NELL1: variants seen among roughly 807,000 people sequenced by gnomAD.
The protein encoded by NELL1 is protein kinase C-binding protein NELL1.
A neutral mutation model predicts 107.4 loss-of-function variants in NELL1; 76 were observed. That is an observed-to-expected ratio of 0.71 (90% CI 0.59 to 0.86). The LOEUF (loss-of-function observed/expected upper bound fraction) is 0.86. Ranked by LOEUF, NELL1 falls within the 40% of genes least tolerant of loss-of-function variation. The probability of loss-of-function intolerance (pLI) is 0.00; values close to 1 mark genes in which losing one functional copy is unlikely to be tolerated. For missense variants in NELL1, 1,024 were observed against 1,005.5 expected (o/e 1.02, Z -0.25); for synonymous variants, 353 against 341.2 (o/e 1.03, Z -0.38).
In NELL1 at chr11:21,021,012, A is replaced by AACACACACACACACACAC. The variant is rs56813080; in HGVS notation, c.1300+60472_1300+60489dup. On this transcript the variant is annotated intron_variant, in intron 12 of 19. Coordinates refer to ENST00000357134, the MANE Select transcript of NELL1 (RefSeq NM_006157.5). ...GCTGATAGAGCAGAAAGAAACTTAGAACACACACACACACACACACACACA... is the reference window on the plus strand; with the variant it reads ...GCTGATAGAGCAGAAAGAAACTTAGAACACACACACACACACACACACACACACACACACACACACACA... Among the ~76,000 whole-genome samples, 102 of 140,302 alleles carry AACACACACACACACACAC rather than the reference A, an allele frequency of 7.3e-4. 1 individual carries two copies. Among genetic ancestry groups the AACACACACACACACACAC allele is most frequent in the African/African-American group, 2.2e-3 (83 of 37,142 alleles). The allele number at this position is 140,302 out of a possible 152,430, so 92.0% of individuals were successfully genotyped here.
At chr11:20,842,147 T>G (rs1848633372) in intron 3 of NELL1, among the ~76,000 whole-genome samples, 1 of 151,888 alleles carries the variant, frequency 6.6e-6, no homozygotes, top group South Asian at 2.1e-4. Flanking sequence ...GAGGCCGAGG[T>G]GGGCGGATCA....
At position 20,886,762 on chromosome 11, in the gene NELL1, A is replaced by G. The variant is rs550899974; in HGVS notation, c.603+1222A>G. 2.6e-5 allele frequency among the ~76,000 whole-genome samples: 4 copies of G among 152,352 alleles called. No individual in the cohort carries two copies. The South Asian group carries it at 6.2e-4, about 24-fold the overall frequency. On this transcript the variant is annotated intron_variant, in intron 5 of 19. Coordinates refer to ENST00000357134, the MANE Select transcript of NELL1 (RefSeq NM_006157.5). ...ACGGGTTGATGGGTGCAGCAAACCA[A>G]CATGGCACATGTATACCAAGGTAAC... is the stretch of plus-strand genomic sequence containing the variant.
chr11:21,419,173 T>A (rs578139321), intron 15 of NELL1, among the ~76,000 whole-genome samples: 30 of 152,166 alleles, frequency 2.0e-4, no homozygotes, highest in African/African-American at 6.5e-4. Flanking sequence ...TCTCTTATAC[T>A]TGAGAGCTAG....
intron 14 of NELL1, among the ~76,000 whole-genome samples, chr11:21,335,713 A>G (rs1850375815): frequency 1.3e-5 from 2 of 152,066 alleles, no homozygotes; most frequent in South Asian, 2.1e-4. Flanking sequence ...ACGCAAATCC[A>G]TTTGTACACA....
intron 14 of NELL1, among the ~76,000 whole-genome samples, chr11:21,234,029 C>T (rs939799479): frequency 3.3e-5 from 5 of 152,206 alleles, no homozygotes; most frequent in South Asian, 2.1e-4. Context: ...TCCAACCCAA[C>T]GGAACATTTA....
At chr11:21,481,454 T>C (rs1336932096) in intron 15 of NELL1, among the ~76,000 whole-genome samples, 3 of 152,146 alleles carry the variant, frequency 2.0e-5, no homozygotes, top group Non-Finnish European at 4.4e-5. Flanking sequence ...CAAGGATGAT[T>C]GATGTTAGTA....
rs1293915290 is a variant in NELL1 at position 20,885,467 on chromosome 11, C to T, written c.530C>T (p.Pro177Leu). The change falls in exon 5 of 20, where the codon CCT becomes CTT. Residue 177 changes from proline to leucine, a missense_variant. Physicochemically the swap from Pro to Leu is moderately conservative, Grantham distance 98. Coordinates refer to ENST00000357134, the MANE Select transcript of NELL1 (RefSeq NM_006157.5). ...CNRIYERVIDPPDTNLPPGIN... is the reference protein window; with the variant it reads ...CNRIYERVIDLPDTNLPPGIN... ...AGGATTTATGAGCGTGTGATAGACC[C>T]TCCAGATACCAACCTTCCCCCAGGA... The T allele has an allele frequency of 1.9e-6, 3 of 1,612,546 alleles. No homozygotes were observed. The highest frequency in any genetic ancestry group is 1.3e-5 in the African/African-American group (1 of 74,904).
intron 15 of NELL1, among the ~76,000 whole-genome samples, chr11:21,526,424 G>A (rs1017366630): frequency 7.9e-5 from 12 of 152,178 alleles, no homozygotes; most frequent in Non-Finnish European, 1.8e-4. Context: ...GCTGTCAGTG[G>A]ATCTACCATT....
chr11:20,880,415 A>G (rs1041639102), intron 4 of NELL1, among the ~76,000 whole-genome samples: 1 of 152,240 alleles, frequency 6.6e-6, no homozygotes, highest in Admixed American at 6.5e-5. Context: ...ATGACAATCC[A>G]TACAGTTAAC....
At chr11:20,951,657 T>G (rs944112482) in intron 11 of NELL1, among the ~76,000 whole-genome samples, 1 of 152,126 alleles carries the variant, frequency 6.6e-6, no homozygotes, top group Non-Finnish European at 1.5e-5. Context: ...GGGACACCCA[T>G]AGGAGAAGAA....
intron 14 of NELL1, chr11:21,284,487 A>C (rs1473366184): frequency 2.2e-6 from 1 of 459,512 alleles, no homozygotes; most frequent in East Asian, 6.9e-5. Context: ...CTCTTCCTCC[A>C]GTGCTGTGGG....
chr11:21,563,685 A>G (rs1313594849), intron 17 of NELL1, among the ~76,000 whole-genome samples: 1 of 152,032 alleles, frequency 6.6e-6, no homozygotes, highest in Non-Finnish European at 1.5e-5. Context: ...ATGCCATTTT[A>G]TAAGGGACTT....
At chr11:21,492,368 C>G (rs1854845309) in intron 15 of NELL1, among the ~76,000 whole-genome samples, 1 of 152,020 alleles carries the variant, frequency 6.6e-6, no homozygotes, top group Admixed American at 6.5e-5. Flanking sequence ...CTAGAAATAC[C>G]ATTTGACCCA....
At chr11:20,869,841 TA>T (rs1322070651) in intron 4 of NELL1, among the ~76,000 whole-genome samples, 1 of 152,218 alleles carries the variant, frequency 6.6e-6, no homozygotes, top group African/African-American at 2.4e-5. Flanking sequence ...GCTTGCCTTA[TA>T]GCGTATCTTC....
intron 16 of NELL1, among the ~76,000 whole-genome samples, chr11:21,535,283 G>A (rs754723503): frequency 1.1e-4 from 17 of 152,138 alleles, no homozygotes; most frequent in Admixed American, 1.1e-3. Context: ...ATTCTTTCAT[G>A]TTGTGTCACC....
intron 14 of NELL1, among the ~76,000 whole-genome samples, chr11:21,309,302 A>ATATATATAATATATATATATATATG (rs1565160588): frequency 1.3e-4 from 16 of 127,902 alleles, no homozygotes; most frequent in African/African-American, 4.8e-4. Context: ...ATATATATGT[A>ATATATATAATATATATATATATATG]TATATATATA....
chr11:21,461,008 T>C (rs540237850), intron 15 of NELL1, among the ~76,000 whole-genome samples: 1 of 152,128 alleles, frequency 6.6e-6, no homozygotes, highest in East Asian at 1.9e-4. Context: ...TTTACTAGAG[T>C]CATTGGTAAA....
intron 11 of NELL1, among the ~76,000 whole-genome samples, chr11:20,954,637 A>G (rs939426760): frequency 6.6e-5 from 10 of 152,192 alleles, no homozygotes; most frequent in Non-Finnish European, 7.3e-5. Context: ...GTGAATGACT[A>G]TTCACTCACT....
At chr11:20,788,822 T>C (rs1286074259) in intron 3 of NELL1, among the ~76,000 whole-genome samples, 1 of 152,196 alleles carries the variant, frequency 6.6e-6, no homozygotes, top group Non-Finnish European at 1.5e-5. Context: ...TACATTTATC[T>C]CTTAGATATA....
Sources: allele counts gnomAD v4.1 joint callset (sites outside exome capture counted in the v4.1 genomes callset), GRCh38; gene constraint gnomAD v4.1.1; transcripts MANE v1.5; gene names NCBI Gene and HGNC (gene_info 2026-07-23, HGNC 2026-07-21).